KAZN: variants seen among roughly 807,000 people sequenced by gnomAD.
KAZN encodes the protein kazrin.
In KAZN, 40 loss-of-function variants were observed where a neutral mutation model predicts 87.4. That is an observed-to-expected ratio of 0.46 (90% confidence interval 0.36 to 0.60). The LOEUF is 0.60. Ranked by LOEUF, KAZN falls within the 20% of genes least tolerant of loss-of-function variation. The pLI is 0.00. For synonymous variants in KAZN, 466 were observed against 458.3 expected (o/e 1.02, Z -0.22); for missense variants, 898 against 1,073.9 (o/e 0.84, Z 2.29).
At chr1:15,024,340 G>A (rs1398886284) in intron 2 of KAZN, among the ~76,000 whole-genome samples, 1 of 152,214 alleles carries the variant, frequency 6.6e-6, no homozygotes, top group East Asian at 1.9e-4. Context: ...GCATGGAAAA[G>A]CCAGAGCCGG....
At chr1:14,940,487 G>A (rs1248390572) in intron 1 of KAZN, among the ~76,000 whole-genome samples, 2 of 152,176 alleles carry the variant, frequency 1.3e-5, no homozygotes. Flanking sequence ...GGCCAGCTTC[G>A]TTTCTCCAGG....
chr1:14,971,339 G>A (rs867744112), intron 2 of KAZN, among the ~76,000 whole-genome samples: 2 of 152,166 alleles, frequency 1.3e-5, no homozygotes, highest in African/African-American at 4.8e-5. Context: ...CAGAGGTTGC[G>A]GTGGGCTGAG....
chr1:14,323,805 A>G lies in KAZN; in HGVS notation c.249+143213A>G, dbSNP rs146142185. ...TAATCCATTCAGAGGTTTTTAGCAA[A>G]GGAGATGATGGCTGTACCTTTCATT... On this transcript the variant is annotated intron_variant, in intron 2 of 16. Transcript: ENST00000636203. Among the ~76,000 whole-genome samples the G allele has an allele frequency of 4.8e-3, 727 of 152,282 alleles. 7 individuals carry two copies. The highest frequency in any genetic ancestry group is 0.017 in the African/African-American group (704 of 41,552).
intron 2 of KAZN, among the ~76,000 whole-genome samples, chr1:14,324,317 C>T (rs1217003088): frequency 1.3e-5 from 2 of 152,212 alleles, no homozygotes; most frequent in African/African-American, 4.8e-5. Context: ...TAGTGATTAG[C>T]TACTTGTGCT....
chr1:14,828,813 G>T (rs1646972484), intron 1 of KAZN, among the ~76,000 whole-genome samples: 1 of 152,192 alleles, frequency 6.6e-6, no homozygotes, highest in East Asian at 1.9e-4. Context: ...TCCAGAGGTT[G>T]GTGGTTTGTT....
chr1:14,326,828 T>C (rs1323761749), intron 2 of KAZN, among the ~76,000 whole-genome samples: 2 of 152,152 alleles, frequency 1.3e-5, no homozygotes, highest in African/African-American at 4.8e-5. Context: ...TCCATAAGCT[T>C]GTGACCTTCT....
intron 2 of KAZN, among the ~76,000 whole-genome samples, chr1:14,213,807 G>A (rs554050844): frequency 6.6e-6 from 1 of 152,222 alleles, no homozygotes; most frequent in African/African-American, 2.4e-5. Context: ...GAGGCTACCT[G>A]TGGTGGCCCA....
chr1:15,091,175 C>T (rs959838728), intron 8 of KAZN, among the ~76,000 whole-genome samples: 1 of 152,156 alleles, frequency 6.6e-6, no homozygotes, highest in African/African-American at 2.4e-5. Context: ...TTTCCAGAGA[C>T]AGACTTTTCA....
At chr1:14,819,647 A>G (rs1384257917) in intron 1 of KAZN, among the ~76,000 whole-genome samples, 1 of 151,174 alleles carries the variant, frequency 6.6e-6, no homozygotes, top group Non-Finnish European at 1.5e-5. Flanking sequence ...AGCCTGCCCT[A>G]CACACTTCAG....
intron 1 of KAZN, among the ~76,000 whole-genome samples, chr1:14,666,117 G>A (rs1472231490): frequency 6.6e-6 from 1 of 151,906 alleles, no homozygotes; most frequent in African/African-American, 2.4e-5. Context: ...GAGAGGGTCT[G>A]CCGAAAGAAT....
At chr1:14,859,679 A>T (rs922426637) in intron 1 of KAZN, among the ~76,000 whole-genome samples, 5 of 152,212 alleles carry the variant, frequency 3.3e-5, no homozygotes, top group African/African-American at 7.2e-5. Context: ...AAAAGCCCTT[A>T]TCTGTCAATG....
rs139468922 is a variant in KAZN at position 14,182,189 on chromosome 1, G to A, written c.249+1597G>A. Among the ~76,000 whole-genome samples the A allele has an allele frequency of 1.4e-4, 21 of 152,138 alleles. No homozygotes were observed. In the East Asian group the frequency reaches 3.9e-3, roughly 28 times the overall value. On this transcript the variant is annotated intron_variant, in intron 2 of 16. Transcript: ENST00000636203. ...TCATATTTTCTCCTGATCCCAAATC[G>A]ATGACTGCTAGAATGTTCTCCTTTA... is the stretch of plus-strand genomic sequence containing the variant.
intron 1 of KAZN, among the ~76,000 whole-genome samples, chr1:14,098,720 A>G (rs1043028856): frequency 1.3e-5 from 2 of 152,210 alleles, no homozygotes; most frequent in Non-Finnish European, 2.9e-5. Flanking sequence ...ACTGGAGACC[A>G]TGCCTTTAAG....
intron 4 of KAZN, among the ~76,000 whole-genome samples, chr1:15,048,655 C>T (rs146620524): frequency 0.015 from 1,311 of 87,836 alleles, 20 homozygotes; most frequent in Middle Eastern, 0.023. Flanking sequence ...CCTGGGTCGT[C>T]GGTCCTGGGT....
intron 1 of KAZN, among the ~76,000 whole-genome samples, chr1:14,747,581 G>T (rs1252229251): frequency 6.6e-6 from 1 of 152,182 alleles, no homozygotes; most frequent in Non-Finnish European, 1.5e-5. Flanking sequence ...CACCTGGCCC[G>T]TATCACATTT....
intron 1 of KAZN, among the ~76,000 whole-genome samples, chr1:13,937,537 C>G (rs797006156): frequency 6.6e-6 from 1 of 152,142 alleles, no homozygotes; most frequent in Admixed American, 6.5e-5. Context: ...AATTAAGTCT[C>G]ATTTGTTTAT....
At chr1:13,947,183 A>G (rs1234166087) in intron 1 of KAZN, among the ~76,000 whole-genome samples, 1 of 152,186 alleles carries the variant, frequency 6.6e-6, no homozygotes, top group African/African-American at 2.4e-5. Flanking sequence ...GCCTCAGGAA[A>G]CTCACGATCA....
At chr1:14,750,030 G>A (rs1041445284) in intron 1 of KAZN, among the ~76,000 whole-genome samples, 1 of 152,114 alleles carries the variant, frequency 6.6e-6, no homozygotes, top group Non-Finnish European at 1.5e-5. Context: ...GGTGGGGGGT[G>A]CATGCAAAAA....
chr1:14,989,819 T>C, intron 2 of KAZN, among the ~76,000 whole-genome samples: 1 of 152,190 alleles, frequency 6.6e-6, no homozygotes. Flanking sequence ...CTTGCCTCTG[T>C]AGGTTGGAAA....
Sources: gnomAD v4.1 joint callset for allele counts (sites outside exome capture counted in the v4.1 genomes callset) on GRCh38, gnomAD v4.1.1 for gene constraint, MANE v1.5 for transcripts, NCBI Gene and HGNC (gene_info 2026-07-23, HGNC 2026-07-21) for gene names.